Variants in FHIT observed in about 807,000 individuals in gnomAD.
FHIT encodes the protein fragile histidine triad diadenosine triphosphatase.
Under a neutral mutation model 17.9 loss-of-function variants are expected in FHIT, and 19 were observed. The observed-to-expected ratio is 1.06, with a 90% confidence interval of 0.74 to 1.56. FHIT has a LOEUF of 1.56. FHIT is among the 40% of genes most tolerant of loss of function. The probability of loss-of-function intolerance (pLI) is 0.00; values close to 1 mark genes in which losing one functional copy is unlikely to be tolerated. For missense variants in FHIT, 248 were observed against 189.2 expected, an observed-to-expected ratio of 1.31 and a Z score of -1.82; for synonymous variants, 81 against 69.7, an observed-to-expected ratio of 1.16 and a Z score of -0.81.
At chr3:60,559,079 A>G (rs910072885) in intron 4 of FHIT, among the ~76,000 whole-genome samples, 4 of 152,162 alleles carry the variant, frequency 2.6e-5, no homozygotes, top group African/African-American at 9.7e-5. Flanking sequence ...TGAGCTTCCA[A>G]CTTCCATGGG....
At chr3:59,818,973 C>T (rs186876616) in intron 8 of FHIT, among the ~76,000 whole-genome samples, 2 of 152,312 alleles carry the variant, frequency 1.3e-5, no homozygotes, top group East Asian at 1.9e-4. Context: ...CAGTAAAAAT[C>T]GCAATGCAGA....
At chr3:60,989,311 G>A (rs1035152969) in intron 3 of FHIT, among the ~76,000 whole-genome samples, 2 of 151,948 alleles carry the variant, frequency 1.3e-5, no homozygotes, top group Admixed American at 6.6e-5. Context: ...CACCACACTT[G>A]GCTAAATTTT....
intron 8 of FHIT, among the ~76,000 whole-genome samples, chr3:59,891,588 C>T (rs1189020784): frequency 6.6e-6 from 1 of 152,204 alleles, no homozygotes; most frequent in Non-Finnish European, 1.5e-5. Flanking sequence ...AATTTCTTCA[C>T]ACCAGGAAGC....
intron 8 of FHIT, among the ~76,000 whole-genome samples, chr3:59,905,250 G>A (rs643629): frequency 0.1 from 15,779 of 152,176 alleles, 839 homozygotes; most frequent in Non-Finnish European, 0.12. Flanking sequence ...CAGGGGCTTG[G>A]CAGGAAAAAA....
At chr3:59,997,662 T>C (rs1575847501) in intron 7 of FHIT, among the ~76,000 whole-genome samples, 1 of 152,172 alleles carries the variant, frequency 6.6e-6, no homozygotes, top group African/African-American at 2.4e-5. Context: ...AAGAATGTGA[T>C]GTTCACAAAT....
intron 4 of FHIT, among the ~76,000 whole-genome samples, chr3:60,634,217 C>A (rs2039520840): frequency 6.6e-6 from 1 of 152,186 alleles, no homozygotes; most frequent in South Asian, 2.1e-4. Context: ...TAGATAGATG[C>A]TGTTAGTCTC....
At chr3:60,358,387 C>A (rs532293663) in intron 5 of FHIT, among the ~76,000 whole-genome samples, 1 of 151,928 alleles carries the variant, frequency 6.6e-6, no homozygotes, top group Non-Finnish European at 1.5e-5. Context: ...CAAGGATGGA[C>A]TACAGTCAGA....
intron 5 of FHIT, among the ~76,000 whole-genome samples, chr3:60,481,792 A>T (rs1392867538): frequency 6.6e-6 from 1 of 152,184 alleles, no homozygotes; most frequent in Non-Finnish European, 1.5e-5. Flanking sequence ...ACTAGATAGC[A>T]TCATCATGAC....
rs561745954 is a variant in FHIT, at chr3:59,803,460, G to A, written c.349-51139C>T. On this transcript the variant is annotated intron_variant, in intron 8 of 9. Transcript: ENST00000492590. Reference sequence around the variant, plus strand: ...CTCCGCCAGCTCCTGCTGCATTAACGGTCTCCGAATGTGATTTGGCGGCAG... The same window carrying A: ...CTCCGCCAGCTCCTGCTGCATTAACAGTCTCCGAATGTGATTTGGCGGCAG... Among the ~76,000 whole-genome samples, 12 of 152,308 alleles carry A rather than the reference G, an allele frequency of 7.9e-5. No homozygotes were observed. The South Asian group carries it at 1.5e-3, about 18-fold the overall frequency.
At chr3:61,088,407 T>C (rs906825684) in intron 2 of FHIT, among the ~76,000 whole-genome samples, 1 of 152,156 alleles carries the variant, frequency 6.6e-6, no homozygotes, top group Non-Finnish European at 1.5e-5. Context: ...AATCAGTGAG[T>C]CTGCTTTCAA....
rs141779238 is a variant in FHIT at position 60,199,045 on chromosome 3, C to T, written c.104-184893G>A. Among the ~76,000 whole-genome samples, 6 of 152,234 alleles carry T rather than the reference C, an allele frequency of 3.9e-5. No homozygotes were observed. In the East Asian group the frequency reaches 5.8e-4, roughly 15 times the overall value. On this transcript the variant is annotated intron_variant, in intron 5 of 9. Coordinates refer to ENST00000492590, the MANE Select transcript of FHIT (RefSeq NM_002012.4). ...TCTAAAGGAGTTGTCAGAGGAATCA[C>T]GCTATTGTTAGAAGTGGAAAAGGCT...
chr3:60,135,174 C>T (rs1405670556), intron 5 of FHIT, among the ~76,000 whole-genome samples: 1 of 152,020 alleles, frequency 6.6e-6, no homozygotes, highest in Non-Finnish European at 1.5e-5. Flanking sequence ...AGATAGATTC[C>T]AAAGATGGCA....
At chr3:61,134,857 C>T (rs1025916179) in intron 2 of FHIT, among the ~76,000 whole-genome samples, 5 of 152,116 alleles carry the variant, frequency 3.3e-5, no homozygotes, top group African/African-American at 4.8e-5. Context: ...TCGCAAAGGC[C>T]GGAGCACTTA....
At chr3:60,185,871 C>T (rs1196762667) in intron 5 of FHIT, among the ~76,000 whole-genome samples, 1 of 152,158 alleles carries the variant, frequency 6.6e-6, no homozygotes, top group Non-Finnish European at 1.5e-5. Context: ...ATAGTATCAT[C>T]TTGTACTAAT....
At chr3:59,949,534 A>G (rs765519673) in intron 7 of FHIT, among the ~76,000 whole-genome samples, 5 of 152,236 alleles carry the variant, frequency 3.3e-5, no homozygotes, top group Non-Finnish European at 7.3e-5. Context: ...TGGGATAGAT[A>G]TGTATCCTAA....
intron 5 of FHIT, among the ~76,000 whole-genome samples, chr3:60,164,421 C>A (rs115956412): frequency 6.6e-6 from 1 of 152,222 alleles, no homozygotes; most frequent in African/African-American, 2.4e-5. Flanking sequence ...AAAACACACA[C>A]CACGACCTGA....
intron 4 of FHIT, among the ~76,000 whole-genome samples, chr3:60,724,825 T>G (rs1553708980): frequency 6.6e-6 from 1 of 152,044 alleles, no homozygotes; most frequent in Admixed American, 6.5e-5. Flanking sequence ...ATTTTTGTCA[T>G]TTTAGTTGAG....
chr3:60,927,941 G>T (rs75792278), intron 3 of FHIT, among the ~76,000 whole-genome samples: 20 of 152,238 alleles, frequency 1.3e-4, no homozygotes, highest in African/African-American at 4.8e-4. Flanking sequence ...AGACATAGGA[G>T]ACTCCATTTC....
rs150286361 is a variant in FHIT, at chr3:60,089,452, A to G, written c.104-75300T>C. On this transcript the variant is annotated intron_variant, in intron 5 of 9. Transcript: ENST00000492590. ...GATGAAGCTCAACAAATGTTGGATG[A>G]ATAAATATGCATATAGTATGATGGA... 3.0e-3 allele frequency among the ~76,000 whole-genome samples: 461 copies of G among 152,306 alleles called. 3 individuals carry two copies. The highest frequency in any genetic ancestry group is 6.0e-3 in the Admixed American group (92 of 15,298).
Sources: allele counts gnomAD v4.1 joint callset (sites outside exome capture counted in the v4.1 genomes callset), GRCh38; gene constraint gnomAD v4.1.1; transcripts MANE v1.5; gene names NCBI Gene and HGNC (gene_info 2026-07-23, HGNC 2026-07-21).